F5: variants seen among roughly 807,000 people sequenced by gnomAD.
The protein encoded by F5 is coagulation factor V, also known as activated protein c cofactor.
A neutral mutation model predicts 216.4 loss-of-function variants in F5; 138 were observed. The observed-to-expected ratio is 0.64, with a 90% CI of 0.56 to 0.73. The LOEUF (loss-of-function observed/expected upper bound fraction) is 0.73, where lower values mean the gene tolerates loss of function less well. Among genes scored for constraint, F5 ranks in the 30% least tolerant of loss-of-function variants. The pLI is 0.00. For synonymous variants in F5, 916 were observed against 930.7 expected (o/e 0.98, Z 0.29); for missense variants, 2,403 against 2,674.0 (o/e 0.90, Z 2.24).
chr1:169,569,578 C>T (rs1660680895), intron 3 of F5, among the ~76,000 whole-genome samples: 1 of 152,010 alleles, frequency 6.6e-6, no homozygotes, highest in African/African-American at 2.4e-5. Context: ...AAAATTTAAC[C>T]TCAAATTGAA....
At chr1:169,577,233 A>G (rs1007588977) in intron 2 of F5, among the ~76,000 whole-genome samples, 1 of 152,040 alleles carries the variant, frequency 6.6e-6, no homozygotes, top group Non-Finnish European at 1.5e-5. Context: ...AACTAATCCA[A>G]TCCCCTGCTC....
intron 17 of F5, among the ~76,000 whole-genome samples, chr1:169,526,409 TATAAG>T (rs1659450415): frequency 6.6e-6 from 1 of 152,180 alleles, no homozygotes. Flanking sequence ...CTCTTTTTTA[TATAAG>T]AAAATAAAAA....
intron 15 of F5, 79 bp from the exon 16 acceptor site, chr1:169,529,897 A>AGTTTCCTTTTCTAT: frequency 8.3e-7 from 1 of 1,210,696 alleles, no homozygotes; most frequent in Non-Finnish European, 1.2e-6. Flanking sequence ...TCATATAGAA[A>AGTTTCCTTTTCTAT]AGGAAACTTT....
At chr1:169,571,519 C>T (rs1198161112) in intron 3 of F5, among the ~76,000 whole-genome samples, 12 of 152,098 alleles carry the variant, frequency 7.9e-5, no homozygotes, top group Non-Finnish European at 4.4e-5. Context: ...TTCACTATGT[C>T]CAAAAGTCTA....
At chr1:169,518,388 C>T (rs1190499416) in intron 23 of F5, 24 bp downstream of exon 23, 2 of 1,613,188 alleles carry the variant, frequency 1.2e-6, no homozygotes, top group Admixed American at 1.7e-5. Flanking sequence ...CCTAAGAGAA[C>T]ACCATGCATA....
intron 13 of F5, among the ~76,000 whole-genome samples, chr1:169,539,886 A>G (rs888607413): frequency 1.3e-5 from 2 of 152,192 alleles, no homozygotes; most frequent in East Asian, 3.8e-4. Context: ...TCTGATCTAA[A>G]CAAGTAAATG....
intron 14 of F5, among the ~76,000 whole-genome samples, chr1:169,536,175 C>T (rs1659699862): frequency 6.6e-6 from 1 of 152,086 alleles, no homozygotes; most frequent in African/African-American, 2.4e-5. Context: ...ACTGCCACCA[C>T]CACCACCACT....
chr1:169,530,404 A>G (rs1362025271), intron 15 of F5, among the ~76,000 whole-genome samples: 1 of 152,234 alleles, frequency 6.6e-6, no homozygotes, highest in East Asian at 1.9e-4. Flanking sequence ...TTTGAAGTAT[A>G]TATACATTGC....
chr1:169,561,511 A>T (rs1057041472), intron 3 of F5, among the ~76,000 whole-genome samples: 2 of 152,148 alleles, frequency 1.3e-5, no homozygotes, highest in African/African-American at 4.8e-5. Flanking sequence ...GATACTCAAT[A>T]TTAAAAGAAG....
Position 169,541,985 on chromosome 1 carries a change from CTCTTTTT to C in F5, c.3098_3104del (p.Lys1033ArgfsTer17), listed in dbSNP as rs1557915773. The C allele has an allele frequency of 1.2e-5, 20 of 1,614,048 alleles. No individual in the cohort carries two copies. The highest frequency in any genetic ancestry group is 1.7e-5 in the Non-Finnish European group (20 of 1,180,018). ...ATAAAGGAGCATGGTGTGTGTGCTT[CTCTTTTT>C]TCTTTTTTCGTGTCTTAATGAGAAA... is the stretch of plus-strand genomic sequence containing the variant. On this transcript the variant is annotated frameshift_variant, in exon 13 of 25. Transcript: ENST00000367797. LOFTEE classifies it high-confidence loss of function.
intron 2 of F5, among the ~76,000 whole-genome samples, chr1:169,572,623 C>A (rs1426342387): frequency 2.0e-5 from 3 of 152,186 alleles, no homozygotes; most frequent in East Asian, 3.9e-4. Context: ...CCCACTTTGA[C>A]CCACTGTCAT....
chr1:169,586,106 A>T, intron 1 of F5, 123 bp downstream of exon 1: 1 of 1,032,492 alleles, frequency 9.7e-7, no homozygotes, highest in Non-Finnish European at 1.4e-6. Context: ...CTCTCCTATT[A>T]GTTATATTTA....
At position 169,531,037 on chromosome 1, in the gene F5, G is replaced by T. The variant is rs1364741144; in HGVS notation, c.4972-15C>A. 6.3e-7 allele frequency: 1 copy of T among 1,585,740 alleles called. No individual in the cohort carries two copies. The highest frequency in any genetic ancestry group is 8.6e-7 in the Non-Finnish European group (1 of 1,158,154). ...TTAAAACGAACCTAGGAAAAGGAAT[G>T]ATCCACAAATGTACTTAAGCTTAAC... On this transcript the variant is annotated splice_polypyrimidine_tract_variant and intron_variant, in intron 14 of 24. Transcript: ENST00000367797.
At position 169,586,336 on chromosome 1, in the gene F5, G is replaced by T. The variant is rs750456914; in HGVS notation, c.51C>A (p.Ser17Arg). The change falls in exon 1 of 25, where the codon AGC becomes AGA. Residue 17 changes from serine to arginine, a missense_variant. By Grantham distance (110) the Ser-to-Arg change is moderately radical. This residue lies in a region of F5 where 1,425 missense variants were observed against 1,554.8 expected (regional missense o/e 0.92). Coordinates refer to ENST00000367797, the MANE Select transcript of F5 (RefSeq NM_000130.5). ...RLWVLVVLGT[S>R]WVGWGSQGTE... ...TCCCTTGGCTCCCCCAGCCTACCCA[G>T]CTGGTGCCCAAGACCACCAGGACCC... 1.2e-6 allele frequency: 2 copies of T among 1,614,058 alleles called. No individual in the cohort carries two copies. Among genetic ancestry groups the T allele is most frequent in the African/African-American group, 1.3e-5 (1 of 75,056 alleles).
At chr1:169,568,796 G>A (rs1463564310) in intron 3 of F5, among the ~76,000 whole-genome samples, 1 of 152,106 alleles carries the variant, frequency 6.6e-6, no homozygotes, top group Non-Finnish European at 1.5e-5. Flanking sequence ...GAAAAATGGT[G>A]CATACAAGCT....
intron 3 of F5, among the ~76,000 whole-genome samples, chr1:169,566,805 C>T (rs1660612041): frequency 1.3e-5 from 2 of 152,002 alleles, no homozygotes; most frequent in South Asian, 2.1e-4. Context: ...AACAAATGCT[C>T]TGATAGCCTG....
intron 12 of F5, among the ~76,000 whole-genome samples, chr1:169,544,079 GC>G (rs991711769): frequency 6.6e-6 from 1 of 151,952 alleles, no homozygotes; most frequent in African/African-American, 2.4e-5. Flanking sequence ...TTCCTACTTT[GC>G]CCAGAGAAGG....
At chr1:169,532,678 A>C (rs1213503532) in intron 14 of F5, among the ~76,000 whole-genome samples, 1 of 152,188 alleles carries the variant, frequency 6.6e-6, no homozygotes, top group East Asian at 1.9e-4. Flanking sequence ...CAAAGAGGTG[A>C]AAGATCTCTA....
intron 2 of F5, among the ~76,000 whole-genome samples, chr1:169,574,854 T>C (rs1221804672): frequency 6.6e-6 from 1 of 152,194 alleles, no homozygotes; most frequent in African/African-American, 2.4e-5. Context: ...ATTCCTTTAT[T>C]TATTCAATGA....
Sources: allele counts gnomAD v4.1 joint callset (sites outside exome capture counted in the v4.1 genomes callset), GRCh38; gene constraint gnomAD v4.1.1; regional missense constraint gnomAD v4.1.1; transcripts MANE v1.5; gene names NCBI Gene and HGNC (gene_info 2026-07-23, HGNC 2026-07-21).